The following TJP1 variants were observed in gnomAD, a reference collection of about 807,000 sequenced individuals.
TJP1 encodes the protein tight junction protein ZO-1.
TJP1 carries 43 observed loss-of-function variants against 194.2 expected under a neutral mutation model. That is an observed-to-expected ratio of 0.22 (90% confidence interval 0.17 to 0.29). The LOEUF is 0.29. TJP1 is among the 10% of genes least tolerant of loss of function. The pLI is 1.00. For missense variants in TJP1, 1,971 were observed against 2,185.7 expected (o/e 0.90, Z 1.96); for synonymous variants, 801 against 779.0 (o/e 1.03, Z -0.47).
intron 1 of TJP1, among the ~76,000 whole-genome samples, chr15:29,801,293 T>C (rs936568564): frequency 2.0e-5 from 3 of 151,894 alleles, no homozygotes; most frequent in African/African-American, 7.3e-5. Flanking sequence ...ATCACACACG[T>C]AGATACACAC....
At chr15:29,747,825 A>C (rs2044910152) in intron 8 of TJP1, among the ~76,000 whole-genome samples, 1 of 152,196 alleles carries the variant, frequency 6.6e-6, no homozygotes, top group Non-Finnish European at 1.5e-5. Flanking sequence ...TATATCACAC[A>C]AAACTTCTGG....
At chr15:29,732,907 G>A in intron 13 of TJP1, 92 bp from the exon 14 acceptor site, 1 of 1,309,416 alleles carries the variant, frequency 7.6e-7, no homozygotes, top group South Asian at 1.5e-5. Flanking sequence ...ATACTGGATG[G>A]AAGTTCACAT....
At chr15:29,837,118 T>A (rs12440708) in intron 2 of TJP1, among the ~76,000 whole-genome samples, 1 of 152,044 alleles carries the variant, frequency 6.6e-6, no homozygotes, top group African/African-American at 2.4e-5. Context: ...TATATTATTC[T>A]GTATTATTTA....
chr15:29,907,348 G>A (rs2053849795), intron 2 of TJP1, among the ~76,000 whole-genome samples: 1 of 152,216 alleles, frequency 6.6e-6, no homozygotes, highest in South Asian at 2.1e-4. Context: ...GGTGGAGCTT[G>A]TAGTGAGCCG....
intron 2 of TJP1, among the ~76,000 whole-genome samples, chr15:29,876,545 T>A (rs1372111731): frequency 6.6e-6 from 1 of 152,030 alleles, no homozygotes; most frequent in African/African-American, 2.4e-5. Flanking sequence ...TATGAGATTT[T>A]TTTTGTGACT....
chr15:29,742,702 G>A lies in TJP1; in HGVS notation c.1090C>T (p.Pro364Ser). Residue 364 changes from proline to serine, a missense_variant, in exon 9 of 28, where the codon CCT becomes TCT. Around this residue, in one of 5 missense-constraint regions of TJP1, gnomAD observed 192 missense variants for 182.3 expected, o/e 1.05. Transcript: ENST00000614355. ...ACTGTAACTTCTTCCACTGTTTTAGGTGTGTGATCATCAGCATGCTTTACA... is the reference window on the plus strand; with the variant it reads ...ACTGTAACTTCTTCCACTGTTTTAGATGTGTGATCATCAGCATGCTTTACA... ...TPVKHADDHT[P>S]KTVEEVTVER... 1.2e-6 allele frequency: 2 copies of A among 1,604,482 alleles called. No homozygotes were observed. The highest frequency in any genetic ancestry group is 1.7e-6 in the Non-Finnish European group (2 of 1,176,070).
At chr15:29,786,263 C>T (rs1029553260) in intron 2 of TJP1, among the ~76,000 whole-genome samples, 1 of 152,122 alleles carries the variant, frequency 6.6e-6, no homozygotes, top group Non-Finnish European at 1.5e-5. Context: ...TTTCATTTCT[C>T]ATTCCTGTTC....
chr15:29,887,712 A>G (rs2053167295), intron 2 of TJP1, among the ~76,000 whole-genome samples: 1 of 152,232 alleles, frequency 6.6e-6, no homozygotes, highest in Non-Finnish European at 1.5e-5. Context: ...TACAAATCTT[A>G]AACTTCTATT....
Position 29,761,508 on chromosome 15 carries a change from A to C in TJP1, c.862+93T>G, listed in dbSNP as rs1049956650. ...GATTTTGAAGGTGTTTGGCTGGTAG[A>C]AAATTATCATTTCATTCAAAGATGT... On this transcript the variant is annotated intron_variant, in intron 7 of 27. Coordinates refer to ENST00000614355, the MANE Select transcript of TJP1 (RefSeq NM_001330239.4). The C allele has an allele frequency of 2.0e-6, 3 of 1,470,606 alleles. No homozygotes were observed. In the African/African-American group the frequency reaches 4.2e-5, roughly 21 times the overall value. The allele number at this position is 1,470,606 out of a possible 1,614,324, so 91.1% of individuals were successfully genotyped here. A position where few individuals can be genotyped will look rare whatever the true frequency, so the allele number is the denominator to read the frequency against.
At chr15:29,754,515 CA>C (rs1335378224) in intron 8 of TJP1, among the ~76,000 whole-genome samples, 3 of 151,848 alleles carry the variant, frequency 2.0e-5, no homozygotes, top group East Asian at 1.9e-4. Context: ...ACCTAAAAGT[CA>C]AAAAAATTAA....
rs1329312288 is a variant in TJP1, at chr15:29,761,624, G to A, written c.839C>T (p.Ser280Phe). The A allele has an allele frequency of 6.2e-7, 1 of 1,605,172 alleles. No homozygotes were observed. The highest frequency in any genetic ancestry group is 8.5e-7 in the Non-Finnish European group (1 of 1,172,842). The change falls in exon 7 of 28, where the codon TCT (serine) becomes TTT (phenylalanine). Residue 280 changes from serine to phenylalanine, a missense_variant. Physicochemically the swap from Ser to Phe is radical, Grantham distance 155 (BLOSUM62 -2). This residue lies in a region of TJP1 where 192 missense variants were observed against 182.3 expected (regional missense o/e 1.05). Coordinates refer to ENST00000614355, the MANE Select transcript of TJP1 (RefSeq NM_001330239.4). ...ACCGTCTCTCTCAGAGGCATTAGCA[G>A]AGTGGATGCTGTCAGAAAGATCAGG... Reference protein sequence around the residue: ...NVPDLSDSIHSANASERDDIS... With the variant: ...NVPDLSDSIHFANASERDDIS...
rs117611537 is a variant in TJP1, at chr15:29,915,314, A to G, written c.306+40918T>C. Among the ~76,000 whole-genome samples the G allele has an allele frequency of 3.9e-3, 549 of 140,850 alleles. 3 individuals are homozygous for G. The highest frequency in any genetic ancestry group is 6.4e-3 in the Non-Finnish European group (421 of 65,276). 92.4% of individuals were successfully genotyped at this position (140,850 alleles called of 152,430 possible). ...TTAAAATAAAATGTTTAAGGAATATATGGATCATTTTTTTTGAGATTCTGT... is the reference window on the plus strand; with the variant it reads ...TTAAAATAAAATGTTTAAGGAATATGTGGATCATTTTTTTTGAGATTCTGT... On this transcript the variant is annotated intron_variant, in intron 2 of 28. Transcript: ENST00000356107.
At chr15:29,873,219 G>C (rs2152119988) in intron 2 of TJP1, among the ~76,000 whole-genome samples, 1 of 152,234 alleles carries the variant, frequency 6.6e-6, no homozygotes, top group South Asian at 2.1e-4. Flanking sequence ...TTTCTTTTGA[G>C]GTCCGTTTAG....
At chr15:29,808,660 A>G (rs1595973527) in intron 1 of TJP1, among the ~76,000 whole-genome samples, 1 of 152,234 alleles carries the variant, frequency 6.6e-6, no homozygotes, top group Non-Finnish European at 1.5e-5. Context: ...TAGGGAAAGA[A>G]TAAGATATTT....
chr15:29,764,312 TG>T (rs1038896554), intron 5 of TJP1, among the ~76,000 whole-genome samples: 22 of 152,034 alleles, frequency 1.4e-4, no homozygotes, highest in African/African-American at 5.1e-4. Context: ...AGGGGATGCA[TG>T]GGGTGAGTGA....
At chr15:29,833,881 A>ATATATATATATATTTTTT (rs1555434000) in intron 2 of TJP1, among the ~76,000 whole-genome samples, 12 of 12,610 alleles carry the variant, frequency 9.5e-4, no homozygotes, top group Non-Finnish European at 9.5e-4. Flanking sequence ...ATATATATAT[A>ATATATATATATATTTTTT]TTTTTTTTTT....
intron 18 of TJP1, among the ~76,000 whole-genome samples, chr15:29,725,934 C>T (rs142118919): frequency 5.5e-4 from 84 of 152,236 alleles, no homozygotes; most frequent in South Asian, 5.4e-3. Flanking sequence ...ATTTCCCATC[C>T]GCTGCTTGCC....
At chr15:29,801,712 C>T (rs952487594) in intron 1 of TJP1, among the ~76,000 whole-genome samples, 7 of 151,738 alleles carry the variant, frequency 4.6e-5, no homozygotes, top group South Asian at 2.1e-4. Flanking sequence ...CCGCCCGCCT[C>T]GGCCTCCCAA....
intron 2 of TJP1, among the ~76,000 whole-genome samples, chr15:29,951,270 T>C (rs187494416): frequency 0.014 from 2,063 of 151,840 alleles, 23 homozygotes; most frequent in Middle Eastern, 0.024. Flanking sequence ...TGGGTTCGAG[T>C]GATTCTTCTG....
Sources: gnomAD v4.1 joint callset for allele counts (sites outside exome capture counted in the v4.1 genomes callset) on GRCh38, gnomAD v4.1.1 for gene constraint, gnomAD v4.1.1 regional missense constraint, MANE v1.5 for transcripts, NCBI Gene and HGNC (gene_info 2026-07-23, HGNC 2026-07-21) for gene names.